EXOSC7: variants seen among roughly 807,000 people sequenced by gnomAD.
EXOSC7 encodes the protein exosome component 7.
Under a neutral mutation model 34.3 loss-of-function variants are expected in EXOSC7, and 25 were observed. That is an observed-to-expected ratio of 0.73 (90% confidence interval 0.53 to 1.02). EXOSC7 has a LOEUF of 1.02. EXOSC7 is among the 50% of genes least tolerant of loss of function. The pLI is 0.00. For synonymous variants in EXOSC7, 130 were observed against 143.0 expected (o/e 0.91, Z 0.65); for missense variants, 370 against 368.5 (o/e 1.00, Z -0.03).
At chr3:45,012,657 A>G (rs7626251), downstream of EXOSC7, 91,625 of 152,038 alleles carry the variant, frequency 0.6, 28,715 homozygotes, top group East Asian at 0.9. Flanking sequence ...GTTTAGAAGC[A>G]TTTGCTTTTG....
chr3:45,003,188 G>A (rs1184734451), intron 5 of EXOSC7, among the ~76,000 whole-genome samples: 1 of 152,148 alleles, frequency 6.6e-6, no homozygotes, highest in Non-Finnish European at 1.5e-5. Flanking sequence ...GGACTCTAAG[G>A]CATCAAGTCC....
intron 5 of EXOSC7, 177 bp downstream of exon 5, chr3:45,001,785 A>C: frequency 3.4e-6 from 2 of 581,686 alleles, no homozygotes; most frequent in South Asian, 4.5e-5. Context: ...GTGAATTAAA[A>C]CTACATATAT....
intron 4 of EXOSC7, among the ~76,000 whole-genome samples, chr3:44,997,700 AAGAC>A (rs1007007491): frequency 3.3e-5 from 5 of 152,264 alleles, no homozygotes; most frequent in African/African-American, 4.8e-5. Context: ...TGAGGAAACT[AAGAC>A]AGACAGAGGT....
At chr3:45,007,618 G>T in intron 7 of EXOSC7, 43 bp downstream of exon 7, 1 of 1,535,706 alleles carries the variant, frequency 6.5e-7, no homozygotes, top group Non-Finnish European at 8.8e-7. Flanking sequence ...CCTGGCCGGG[G>T]TGCCTGCTGC....
chr3:44,994,862 T>G (rs954540685), intron 3 of EXOSC7, among the ~76,000 whole-genome samples: 2 of 33,022 alleles, frequency 6.1e-5, no homozygotes, highest in Non-Finnish European at 5.8e-5. Flanking sequence ...AATGGGTGTG[T>G]GTGTGTGTGT....
chr3:45,011,844 G>A (rs558467927), downstream of EXOSC7, among the ~76,000 whole-genome samples: 2 of 152,296 alleles, frequency 1.3e-5, no homozygotes, highest in East Asian at 3.9e-4. Context: ...CTGACTTCCT[G>A]CCCTCCAAGA....
chr3:44,995,828 A>G (rs1475755786), intron 3 of EXOSC7, among the ~76,000 whole-genome samples: 6 of 152,218 alleles, frequency 3.9e-5, no homozygotes, highest in African/African-American at 7.2e-5. Flanking sequence ...TCTTCCACCT[A>G]TATTACTAAG....
chr3:44,982,831 T>C (rs1182949023), intron 1 of EXOSC7, among the ~76,000 whole-genome samples: 1 of 152,192 alleles, frequency 6.6e-6, no homozygotes, highest in East Asian at 1.9e-4. Flanking sequence ...GCCATATCCT[T>C]TCAGAGGAAT....
intron 1 of EXOSC7, among the ~76,000 whole-genome samples, chr3:44,985,600 G>A (rs1430259355): frequency 6.6e-6 from 1 of 151,586 alleles, no homozygotes; most frequent in African/African-American, 2.4e-5. Context: ...GGCTTCAGGA[G>A]TGAAGCTGCA....
In EXOSC7 at chr3:44,976,300, AGGCGG is replaced by A; in HGVS notation, c.24_28del (p.Ala9GlufsTer20). On this transcript the variant is annotated frameshift_variant, in exon 1 of 8. Coordinates refer to ENST00000265564, the MANE Select transcript of EXOSC7 (RefSeq NM_015004.4). LOFTEE classifies it high-confidence loss of function. ...AGCATGGCGTCCGTGACGCTGAGCG[AGGCGG>A]AGAAGGTGTACATCGTGCATGGCGT... 1.3e-6 allele frequency: 2 copies of A among 1,561,796 alleles called. No individual in the cohort carries two copies. Among genetic ancestry groups the A allele is most frequent in the Non-Finnish European group, 1.7e-6 (2 of 1,161,126 alleles).
intron 2 of EXOSC7, 134 bp downstream of exon 2, chr3:44,989,375 A>AT: frequency 2.4e-6 from 2 of 825,538 alleles, no homozygotes; most frequent in Non-Finnish European, 2.0e-6. Context: ...AAACTCAGGG[A>AT]GGGGGGGTCT....
chr3:44,991,529 G>T (rs1706572393), intron 3 of EXOSC7, among the ~76,000 whole-genome samples: 1 of 152,194 alleles, frequency 6.6e-6, no homozygotes, highest in South Asian at 2.1e-4. Context: ...ATTTTAGGCA[G>T]ACCAAAGACA....
Position 44,976,308 on chromosome 3 carries a change from A to G in EXOSC7, c.31A>G (p.Lys11Glu). 1.3e-6 allele frequency: 2 copies of G among 1,565,736 alleles called. No individual in the cohort carries two copies. The highest frequency in any genetic ancestry group is 2.3e-5 in the South Asian group (2 of 85,448). The change falls in exon 1 of 8, where the codon AAG (lysine) becomes GAG (glutamate). Residue 11 changes from lysine to glutamate, a missense_variant. Coordinates refer to ENST00000265564, the MANE Select transcript of EXOSC7 (RefSeq NM_015004.4). MASVTLSEAEKVYIVHGVQED... is the reference protein window; with the variant it reads MASVTLSEAEEVYIVHGVQED... ...GTCCGTGACGCTGAGCGAGGCGGAG[A>G]AGGTGTACATCGTGCATGGCGTCCA...
intron 3 of EXOSC7, among the ~76,000 whole-genome samples, chr3:44,990,428 G>C (rs545854828): frequency 1.3e-5 from 2 of 152,178 alleles, no homozygotes; most frequent in South Asian, 4.2e-4. Flanking sequence ...TTGGTTGCTG[G>C]CCAGGTCCCG....
intron 3 of EXOSC7, among the ~76,000 whole-genome samples, chr3:44,991,944 A>G (rs1706586085): frequency 6.6e-6 from 1 of 152,192 alleles, no homozygotes; most frequent in South Asian, 2.1e-4. Context: ...GGCAAGTAGA[A>G]TCACCATGAG....
chr3:45,004,313 T>G (rs1262558281), intron 5 of EXOSC7: 2 of 152,102 alleles, frequency 1.3e-5, no homozygotes, highest in Admixed American at 1.3e-4. Context: ...TGGACTGCAG[T>G]GGCGTGATCT....
intron 1 of EXOSC7, among the ~76,000 whole-genome samples, chr3:44,988,491 T>C (rs559781409): frequency 5.3e-5 from 8 of 152,330 alleles, no homozygotes; most frequent in Admixed American, 3.9e-4. Flanking sequence ...TTTGGGGCCT[T>C]ATGGGTCATA....
chr3:45,006,386 C>G (rs1210899542), intron 6 of EXOSC7, among the ~76,000 whole-genome samples: 2 of 131,866 alleles, frequency 1.5e-5, no homozygotes, highest in African/African-American at 5.6e-5. Context: ...CCGGCTTGTT[C>G]TTTCTTGTTG....
chr3:44,976,301 GGC>G lies in EXOSC7; in HGVS notation c.26_27del (p.Ala9GlyfsTer21), dbSNP rs2125955598. On this transcript the variant is annotated frameshift_variant, in exon 1 of 8. Coordinates refer to ENST00000265564, the MANE Select transcript of EXOSC7 (RefSeq NM_015004.4). LOFTEE classifies it high-confidence loss of function. MASVTLSE[A>X]EKVYIVHGVQ... ...GCATGGCGTCCGTGACGCTGAGCGA[GGC>G]GGAGAAGGTGTACATCGTGCATGGC... 6.4e-7 allele frequency: 1 copy of G among 1,563,932 alleles called. No homozygotes were observed. The highest frequency in any genetic ancestry group is 1.2e-5 in the South Asian group (1 of 85,246).
Sources: allele counts gnomAD v4.1 joint callset (sites outside exome capture counted in the v4.1 genomes callset), GRCh38; gene constraint gnomAD v4.1.1; transcripts MANE v1.5; gene names NCBI Gene and HGNC (gene_info 2026-07-23, HGNC 2026-07-21).